The following IFT88 variants were observed in gnomAD, a reference collection of about 807,000 sequenced individuals.
The protein encoded by IFT88 is intraflagellar transport protein 88 homolog.
IFT88 carries 74 observed loss-of-function variants against 119.5 expected under a neutral mutation model. The ratio of observed to expected loss-of-function variants is 0.62; its 90% CI spans 0.51 to 0.75. The LOEUF (loss-of-function observed/expected upper bound fraction) is 0.75. Ranked by LOEUF, IFT88 falls within the 30% of genes least tolerant of loss-of-function variation. The pLI, the probability that IFT88 is intolerant of heterozygous loss-of-function variation, is 0.00. For missense variants in IFT88, 961 were observed against 977.7 expected (o/e 0.98, Z 0.23); for synonymous variants, 279 against 316.7 (o/e 0.88, Z 1.26).
chr13:20,685,591 C>A (rs1030089866), intron 24 of IFT88, among the ~76,000 whole-genome samples: 1 of 152,230 alleles, frequency 6.6e-6, no homozygotes, highest in African/African-American at 2.4e-5. Flanking sequence ...CCGTACCCAG[C>A]CGGGCATGGT....
intron 14 of IFT88, among the ~76,000 whole-genome samples, chr13:20,620,781 G>A (rs531978852): frequency 1.3e-5 from 2 of 152,206 alleles, no homozygotes; most frequent in South Asian, 2.1e-4. Flanking sequence ...AGCCTGGCTC[G>A]GCCTCCCAAA....
chr13:20,578,211 AT>A (rs1229892514), intron 2 of IFT88, among the ~76,000 whole-genome samples: 1 of 150,342 alleles, frequency 6.7e-6, no homozygotes, highest in Non-Finnish European at 1.5e-5. Flanking sequence ...CGCCTGGCTA[AT>A]TTTTTGTATT....
rs1175272198 is a variant in IFT88, at chr13:20,601,915, T to A, written c.1023T>A (p.Asp341Glu). Reference protein sequence around the residue: ...LITVPLEIDEDKYISPSDDPH... With the variant: ...LITVPLEIDEEKYISPSDDPH... ...CTGTTCCATTAGAAATTGATGAAGATAAATATATTTCACCAAGTGTGAGTA... is the reference window on the plus strand; with the variant it reads ...CTGTTCCATTAGAAATTGATGAAGAAAAATATATTTCACCAAGTGTGAGTA... Residue 341 changes from aspartate to glutamate, a missense_variant, in exon 12 of 26, where the codon GAT (aspartate) becomes GAA (glutamate). Asp to Glu is a conservative substitution (Grantham distance 45). Transcript: ENST00000351808. The A allele has an allele frequency of 6.4e-7, 1 of 1,571,708 alleles. No individual in the cohort carries two copies. Among genetic ancestry groups the A allele is most frequent in the South Asian group, 1.1e-5 (1 of 90,172 alleles).
intron 20 of IFT88, among the ~76,000 whole-genome samples, chr13:20,647,594 C>A (rs2050943896): frequency 6.6e-6 from 1 of 152,132 alleles, no homozygotes; most frequent in Non-Finnish European, 1.5e-5. Flanking sequence ...TAAATCATGT[C>A]TTAAAATATC....
chr13:20,595,845 G>A (rs1324061571), intron 7 of IFT88, among the ~76,000 whole-genome samples: 1 of 151,942 alleles, frequency 6.6e-6, no homozygotes, highest in East Asian at 1.9e-4. Context: ...TTTAAGACCA[G>A]CCTCCCTGGG....
intron 13 of IFT88, among the ~76,000 whole-genome samples, chr13:20,605,957 G>A (rs1414655180): frequency 6.6e-6 from 1 of 152,148 alleles, no homozygotes; most frequent in East Asian, 1.9e-4. Flanking sequence ...ACCTCCGTGT[G>A]TTCATCAACC....
intron 13 of IFT88, chr13:20,607,964 ACCT>A (rs2043803140): frequency 1.6e-6 from 1 of 613,254 alleles, no homozygotes; most frequent in African/African-American, 1.8e-5. Context: ...GTCAGGAAGC[ACCT>A]CCTCCTGGCA....
Position 20,690,746 on chromosome 13 carries a change from C to G in IFT88, c.2284C>G (p.Leu762Val), listed in dbSNP as rs144721929. The G allele has an allele frequency of 6.2e-7, 1 of 1,613,850 alleles. No individual in the cohort carries two copies. The highest frequency in any genetic ancestry group is 1.7e-5 in the Admixed American group (1 of 60,018). Reference protein sequence around the residue: ...NYSASSKGERLSARLRALPGT... With the variant: ...NYSASSKGERVSARLRALPGT... The stretch of plus-strand genomic sequence containing the variant: ...TAGTGCCAGTAGTAAAGGTGAACGA[C>G]TAAGTGCCAGACTCAGAGCTTTACC... The change falls in exon 25 of 26, where the codon CTA (leucine) becomes GTA (valine). Residue 762 changes from leucine to valine, a missense_variant. Leu to Val is a conservative substitution (Grantham distance 32). Coordinates refer to ENST00000351808, the MANE Select transcript of IFT88 (RefSeq NM_006531.5).
chr13:20,615,676 T>G, intron 13 of IFT88, 117 bp from the exon 14 acceptor site: 1 of 529,944 alleles, frequency 1.9e-6, no homozygotes, highest in Admixed American at 3.5e-5. Flanking sequence ...GTCCATTGTT[T>G]AGTAGGCTTT....
At position 20,641,707 on chromosome 13, in the gene IFT88, A is replaced by G. The variant is rs188399520; in HGVS notation, c.1682+309A>G. The G allele has an allele frequency of 2.2e-3, 436 of 202,484 alleles. 3 individuals are homozygous for G. The highest frequency in any genetic ancestry group is 6.0e-3 in the Admixed American group (111 of 18,374). 12.5% of individuals were successfully genotyped at this position (202,484 alleles called of 1,614,324 possible). A position where few individuals can be genotyped will look rare whatever the true frequency, so the allele number is the denominator to read the frequency against. On this transcript the variant is annotated intron_variant, in intron 18 of 25. Coordinates refer to ENST00000351808, the MANE Select transcript of IFT88 (RefSeq NM_006531.5). ...ATTGAAAGTCAATTTGGTGCTTTAG[A>G]ACGTTGTATTAATTCTGAAGCTTGT...
chr13:20,602,119 G>A (rs1306473930), intron 12 of IFT88, among the ~76,000 whole-genome samples, 186 bp downstream of exon 12: 2 of 151,742 alleles, frequency 1.3e-5, no homozygotes, highest in African/African-American at 2.4e-5. Flanking sequence ...TTGAAATGGG[G>A]TAGAGATTAT....
At chr13:20,666,994 C>T (rs2054817578) in intron 23 of IFT88, among the ~76,000 whole-genome samples, 1 of 152,122 alleles carries the variant, frequency 6.6e-6, no homozygotes, top group Non-Finnish European at 1.5e-5. Context: ...ATAACCTCTC[C>T]CACCCACTTC....
chr13:20,644,742 A>T (rs2050479002), intron 19 of IFT88, 101 bp from the exon 20 acceptor site: 2 of 596,642 alleles, frequency 3.4e-6, no homozygotes, highest in East Asian at 5.3e-5. Flanking sequence ...TTATTAAGAA[A>T]TTCCATATTG....
intron 14 of IFT88, among the ~76,000 whole-genome samples, chr13:20,623,082 C>T (rs2314233): frequency 0.92 from 139,962 of 152,240 alleles, 64,434 homozygotes; most frequent in East Asian, 1. Context: ...CCTTTTCTCA[C>T]TGAATAGCGT....
chr13:20,669,628 T>A (rs964172617), intron 23 of IFT88, among the ~76,000 whole-genome samples: 1 of 152,248 alleles, frequency 6.6e-6, no homozygotes, highest in East Asian at 1.9e-4. Context: ...TTTGCCATGT[T>A]GACCAGGCTG....
chr13:20,597,745 C>CAA (rs1174154005), intron 9 of IFT88, among the ~76,000 whole-genome samples: 6,611 of 140,774 alleles, frequency 0.047, 208 homozygotes, highest in African/African-American at 0.076. Flanking sequence ...GACTCCGTCT[C>CAA]AAAAAAAAAA....
chr13:20,568,922 G>A (rs1009052055), intron 1 of IFT88, among the ~76,000 whole-genome samples: 15 of 151,958 alleles, frequency 9.9e-5, no homozygotes, highest in African/African-American at 2.7e-4. Flanking sequence ...GGGTTTCACC[G>A]TGTTAGCCAG....
intron 16 of IFT88, among the ~76,000 whole-genome samples, chr13:20,636,375 A>G (rs2049020801): frequency 6.6e-6 from 1 of 152,224 alleles, no homozygotes; most frequent in Admixed American, 6.5e-5. Context: ...TTTCTACCTT[A>G]GCAAGTCCTG....
At chr13:20,617,821 TCTCA>T (rs754912857) in intron 14 of IFT88, among the ~76,000 whole-genome samples, 5 of 152,152 alleles carry the variant, frequency 3.3e-5, no homozygotes, top group Non-Finnish European at 5.9e-5. Flanking sequence ...TGAGATTGAG[TCTCA>T]CTCTGTCAAC....
Sources: allele counts gnomAD v4.1 joint callset (sites outside exome capture counted in the v4.1 genomes callset), GRCh38; gene constraint gnomAD v4.1.1; transcripts MANE v1.5; gene names NCBI Gene and HGNC (gene_info 2026-07-23, HGNC 2026-07-21).